Variants in AGBL1 observed in about 807,000 individuals in gnomAD.
AGBL1 encodes the protein AGBL carboxypeptidase 1, also known as cytosolic carboxypeptidase 4.
In AGBL1, 130 loss-of-function variants were observed where a neutral mutation model predicts 118.9. That is an observed-to-expected ratio of 1.09 (90% CI 0.95 to 1.26). AGBL1 has a LOEUF of 1.26. Among genes scored for constraint, AGBL1 ranks in the 50% most tolerant of loss-of-function variants. The pLI, the probability that AGBL1 is intolerant of heterozygous loss-of-function variation, is 0.00. For missense variants in AGBL1, 1,584 were observed against 1,298.1 expected (o/e 1.22, Z -3.38); for synonymous variants, 555 against 478.9 (o/e 1.16, Z -2.08).
intron 1 of AGBL1, chr15:86,107,438 A>G (rs564895982): frequency 2.0e-4 from 30 of 152,332 alleles, no homozygotes; most frequent in African/African-American, 7.2e-4. Context: ...TAAAATGAGG[A>G]AAATGATACC....
intron 18 of AGBL1, among the ~76,000 whole-genome samples, chr15:86,415,498 C>T (rs1296991537): frequency 1.3e-5 from 2 of 152,090 alleles, no homozygotes; most frequent in Admixed American, 6.6e-5. Flanking sequence ...TGTTCTTATA[C>T]ATGTTAAAGT....
chr15:86,148,833 A>G (rs2077067025), intron 3 of AGBL1, among the ~76,000 whole-genome samples: 1 of 152,202 alleles, frequency 6.6e-6, no homozygotes, highest in African/African-American at 2.4e-5. Flanking sequence ...TGTCAGATTC[A>G]CCAAGGTTGA....
chr15:86,739,496 T>A (rs1596429979), intron 22 of AGBL1, among the ~76,000 whole-genome samples: 3 of 125,414 alleles, frequency 2.4e-5, no homozygotes, highest in African/African-American at 9.0e-5. Flanking sequence ...TTTCACAGGA[T>A]CCATCAAGAT....
intron 22 of AGBL1, among the ~76,000 whole-genome samples, chr15:86,863,482 C>T (rs896168636): frequency 2.6e-5 from 4 of 151,726 alleles, no homozygotes; most frequent in African/African-American, 9.7e-5. Flanking sequence ...CCACAGTAAT[C>T]GCTGCCTGAG....
intron 18 of AGBL1, among the ~76,000 whole-genome samples, chr15:86,469,921 AG>A (rs1406354974): frequency 2.0e-5 from 3 of 152,026 alleles, no homozygotes; most frequent in African/African-American, 7.2e-5. Flanking sequence ...TTAAAAAATC[AG>A]GTTACTTGTT....
intron 1 of AGBL1, among the ~76,000 whole-genome samples, chr15:86,111,563 T>C (rs893916803): frequency 1.3e-5 from 2 of 152,210 alleles, no homozygotes; most frequent in African/African-American, 2.4e-5. Flanking sequence ...CTTGGCCTGC[T>C]GCTTTGGTAT....
chr15:86,882,298 T>A (rs1367087496), intron 22 of AGBL1, among the ~76,000 whole-genome samples: 4 of 152,206 alleles, frequency 2.6e-5, no homozygotes, highest in Non-Finnish European at 1.5e-5. Context: ...ATTTGCTGGG[T>A]AACCAACAGT....
At chr15:86,772,420 G>A (rs2078195000) in intron 22 of AGBL1, among the ~76,000 whole-genome samples, 1 of 152,034 alleles carries the variant, frequency 6.6e-6, no homozygotes, top group Non-Finnish European at 1.5e-5. Flanking sequence ...CATTTTATTT[G>A]TGGTGTCTTT....
chr15:86,364,698 C>T (rs1271570870), intron 17 of AGBL1, among the ~76,000 whole-genome samples: 1 of 151,884 alleles, frequency 6.6e-6, no homozygotes, highest in Admixed American at 6.6e-5. Context: ...CCCTTAGCAT[C>T]TCAGTTTTAA....
chr15:86,757,852 A>T (rs1054094901), intron 22 of AGBL1, among the ~76,000 whole-genome samples: 1 of 152,120 alleles, frequency 6.6e-6, no homozygotes, highest in South Asian at 2.1e-4. Context: ...ACCATAGTAG[A>T]ACAAGAAAAC....
intron 24 of AGBL1, among the ~76,000 whole-genome samples, chr15:87,006,823 T>G (rs1176592231): frequency 6.6e-6 from 1 of 152,094 alleles, no homozygotes; most frequent in Non-Finnish European, 1.5e-5. Flanking sequence ...TTGGAACCCC[T>G]TGGAGCCAAG....
At position 86,915,646 on chromosome 15, in the gene AGBL1, C is replaced by G. The variant is rs759998677; in HGVS notation, c.*8352C>G. 6.6e-6 allele frequency: 1 copy of G among 152,190 alleles called. No homozygotes were observed. The highest frequency in any genetic ancestry group is 2.4e-5 in the African/African-American group (1 of 41,438). The allele number at this position is 152,190 out of a possible 1,614,324, so 9.4% of individuals were successfully genotyped here. A position where few individuals can be genotyped will look rare whatever the true frequency, so the allele number is the denominator to read the frequency against. On this transcript the variant is annotated 3_prime_UTR_variant, in exon 23 of 23. Coordinates refer to ENST00000614907, the MANE Select transcript of AGBL1 (RefSeq NM_001386094.1). ...TTGCTGTCCCCTCTTCACCTCCCCC[C>G]CACCGCCCCACTGCACCAAGACTGT...
At chr15:86,529,865 A>G (rs1435689217) in intron 19 of AGBL1, among the ~76,000 whole-genome samples, 1 of 145,000 alleles carries the variant, frequency 6.9e-6, no homozygotes, top group Non-Finnish European at 1.5e-5. Flanking sequence ...ACTAAGCTTC[A>G]TAAGTGAAGG....
intron 16 of AGBL1, among the ~76,000 whole-genome samples, chr15:86,284,186 T>TA (rs1278693774): frequency 7.2e-4 from 70 of 97,146 alleles, no homozygotes; most frequent in African/African-American, 2.4e-3. Context: ...ATACTAAAAT[T>TA]AAAATAAAAA....
intron 5 of AGBL1, among the ~76,000 whole-genome samples, chr15:86,190,319 A>G (rs1315160749): frequency 1.3e-5 from 2 of 152,110 alleles, no homozygotes; most frequent in Non-Finnish European, 2.9e-5. Flanking sequence ...ATTTGTTTAT[A>G]CCTACTATTA....
intron 23 of AGBL1, among the ~76,000 whole-genome samples, chr15:86,960,997 C>G (rs2080987313): frequency 6.6e-6 from 1 of 151,956 alleles, no homozygotes. Flanking sequence ...CGACTAAGTT[C>G]TAGAGACTTA....
chr15:86,168,738 C>A (rs1222909814), intron 5 of AGBL1, among the ~76,000 whole-genome samples: 1 of 152,174 alleles, frequency 6.6e-6, no homozygotes, highest in African/African-American at 2.4e-5. Context: ...ACATTCCCAG[C>A]AGCATATGAA....
At chr15:86,724,061 C>A (rs1196054633) in intron 22 of AGBL1, among the ~76,000 whole-genome samples, 1 of 151,776 alleles carries the variant, frequency 6.6e-6, no homozygotes, top group African/African-American at 2.4e-5. Context: ...TGGTGAAAAC[C>A]CGTCTCTAAT....
chr15:86,473,448 CA>C (rs2082508883), intron 18 of AGBL1, among the ~76,000 whole-genome samples: 1 of 152,068 alleles, frequency 6.6e-6, no homozygotes, highest in East Asian at 1.9e-4. Flanking sequence ...AGAAGAAAAT[CA>C]AATTGCCTAG....
Sources: gnomAD v4.1 joint callset for allele counts (sites outside exome capture counted in the v4.1 genomes callset) on GRCh38, gnomAD v4.1.1 for gene constraint, MANE v1.5 for transcripts, NCBI Gene and HGNC (gene_info 2026-07-23, HGNC 2026-07-21) for gene names.